SLC5A4: variants seen among roughly 807,000 people sequenced by gnomAD.
The protein encoded by SLC5A4 is solute carrier family 5 member 4, also known as probable glucose sensor protein SLC5A4.
Under a neutral mutation model 70.3 loss-of-function variants are expected in SLC5A4, and 55 were observed. The ratio of observed to expected loss-of-function variants is 0.78; its 90% CI spans 0.63 to 0.98. The LOEUF is 0.98. Among genes scored for constraint, SLC5A4 ranks in the 50% least tolerant of loss-of-function variants. The probability of loss-of-function intolerance (pLI) is 0.00; values close to 1 mark genes in which losing one functional copy is unlikely to be tolerated. For synonymous variants in SLC5A4, 268 were observed against 305.7 expected (o/e 0.88, Z 1.29); for missense variants, 735 against 839.2 (o/e 0.88, Z 1.53).
At chr22:32,336,231 C>G in the SLC5A4 span, among the ~76,000 whole-genome samples, 4 of 152,170 alleles carry the variant, frequency 2.6e-5, no homozygotes, top group Admixed American at 1.3e-4. Context: ...CCACATTACT[C>G]TTGCTGCAGC....
the SLC5A4 span, among the ~76,000 whole-genome samples, chr22:32,337,306 G>A: frequency 2.0e-5 from 3 of 152,210 alleles, no homozygotes; most frequent in Non-Finnish European, 1.5e-5. Flanking sequence ...GCCAAGGCAG[G>A]CGGATTGCCT....
At chr22:32,259,962 C>A (rs1927677081), upstream of SLC5A4, among the ~76,000 whole-genome samples, 2 of 152,198 alleles carry the variant, frequency 1.3e-5, no homozygotes, top group Admixed American at 1.3e-4. Context: ...CAGGGGAACA[C>A]AGGGCGATGC....
the SLC5A4 span, among the ~76,000 whole-genome samples, chr22:32,345,734 C>T: frequency 6.6e-6 from 1 of 152,130 alleles, no homozygotes; most frequent in South Asian, 2.1e-4. Context: ...AAAGGTCCCC[C>T]CAACTAGTAA....
chr22:32,249,795 C>T lies in SLC5A4; in HGVS notation c.313-993G>A, dbSNP rs553203287. ...AAAGCTGTTGGTGGCACATCCATCACATGTCCAGCCTTGTGCTAGAGCAAA... is the reference window on the plus strand; with the variant it reads ...AAAGCTGTTGGTGGCACATCCATCATATGTCCAGCCTTGTGCTAGAGCAAA... On this transcript the variant is annotated intron_variant, in intron 3 of 14. Coordinates refer to ENST00000266086, the MANE Select transcript of SLC5A4 (RefSeq NM_014227.3). 2.6e-5 allele frequency among the ~76,000 whole-genome samples: 4 copies of T among 152,356 alleles called. No individual in the cohort carries two copies. The East Asian group carries it at 7.7e-4, about 29-fold the overall frequency.
chr22:32,273,141 G>A, the SLC5A4 span: 49 of 434,612 alleles, frequency 1.1e-4, 1 homozygote, highest in African/African-American at 4.6e-4. Flanking sequence ...CCACCACACC[G>A]CACTACCTCC....
the SLC5A4 span, among the ~76,000 whole-genome samples, chr22:32,312,045 C>G: frequency 6.6e-6 from 1 of 152,114 alleles, no homozygotes; most frequent in Non-Finnish European, 1.5e-5. Context: ...CTGCCTCCCA[C>G]GTGGTGAGAG....
the SLC5A4 span, among the ~76,000 whole-genome samples, chr22:32,311,622 AC>A: frequency 1.3e-5 from 2 of 152,054 alleles, no homozygotes; most frequent in Non-Finnish European, 2.9e-5. Context: ...TAGCCTCGTT[AC>A]CCTGCCCAGC....
the SLC5A4 span, among the ~76,000 whole-genome samples, chr22:32,310,790 A>AGAGGATGAAGAGCCAGGGAGAATG: frequency 1.3e-5 from 2 of 152,176 alleles, no homozygotes; most frequent in African/African-American, 4.8e-5. Context: ...GGGGCTGTTG[A>AGAGGATGAAGAGCCAGGGAGAATG]GAGGATGAAG....
At chr22:32,292,149 A>G in the SLC5A4 span, among the ~76,000 whole-genome samples, 12 of 53,288 alleles carry the variant, frequency 2.3e-4, 1 homozygote, top group Admixed American at 1.3e-3. Flanking sequence ...ATTATATTCT[A>G]TATATTATAT....
chr22:32,270,235 A>G, the SLC5A4 span: 24 of 694,074 alleles, frequency 3.5e-5, no homozygotes, highest in Admixed American at 3.7e-4. Context: ...ACCCTGCACC[A>G]ATGCTGCCAT....
At chr22:32,297,402 A>C in the SLC5A4 span, among the ~76,000 whole-genome samples, 1 of 151,356 alleles carries the variant, frequency 6.6e-6, no homozygotes, top group Non-Finnish European at 1.5e-5. Context: ...GTGTCCAGGA[A>C]TTTATCCATT....
the SLC5A4 span, among the ~76,000 whole-genome samples, chr22:32,275,678 A>C: frequency 1.3e-5 from 2 of 152,320 alleles, no homozygotes; most frequent in African/African-American, 2.4e-5. Flanking sequence ...CAATAAACAT[A>C]CATGTGCATG....
the SLC5A4 span, among the ~76,000 whole-genome samples, chr22:32,332,157 G>A: frequency 6.6e-6 from 1 of 152,038 alleles, no homozygotes; most frequent in Non-Finnish European, 1.5e-5. Context: ...CCTCTCCGGT[G>A]GACTCCCAGC....
intron 13 of SLC5A4, 24 bp downstream of exon 13, chr22:32,224,243 A>G (rs770350082): frequency 1.9e-6 from 3 of 1,542,184 alleles, no homozygotes; most frequent in South Asian, 2.2e-5. Context: ...TAAAATTAGC[A>G]TGTATTCATT....
the SLC5A4 span, among the ~76,000 whole-genome samples, chr22:32,276,162 T>C: frequency 6.6e-6 from 1 of 152,254 alleles, no homozygotes; most frequent in Non-Finnish European, 1.5e-5. Context: ...TCAAAAGCCA[T>C]ACATTATGAC....
chr22:32,281,391 T>C, the SLC5A4 span, among the ~76,000 whole-genome samples: 4 of 152,210 alleles, frequency 2.6e-5, no homozygotes, highest in African/African-American at 9.6e-5. Flanking sequence ...AGCCAAAGCA[T>C]GTGCCACTGA....
chr22:32,311,350 G>A, the SLC5A4 span, among the ~76,000 whole-genome samples: 1 of 147,536 alleles, frequency 6.8e-6, no homozygotes, highest in Admixed American at 6.6e-5. Flanking sequence ...GGACACACAT[G>A]TTTATTAAGC....
rs1927401263 is a variant in SLC5A4 at position 32,255,110 on chromosome 22, T to C, written c.135+85A>G. ...AACACAATGACATTTGTGAAAAGCT[T>C]TGTCACAACCACACCCCTTCCCCCC... On this transcript the variant is annotated intron_variant, in intron 1 of 14. Transcript: ENST00000266086. The C allele has an allele frequency of 1.6e-5, 20 of 1,272,280 alleles. No individual in the cohort carries two copies. In the South Asian group the frequency reaches 2.5e-4, roughly 16 times the overall value. The allele number at this position is 1,272,280 out of a possible 1,614,324, so 78.8% of individuals were successfully genotyped here. A position where few individuals can be genotyped will look rare whatever the true frequency, so the allele number is the denominator to read the frequency against.
At chr22:32,276,776 T>C in the SLC5A4 span, 1 of 152,202 alleles carries the variant, frequency 6.6e-6, no homozygotes, top group African/African-American at 2.4e-5. Flanking sequence ...AACTTACTGA[T>C]TGAAATGACT....
Sources: allele counts gnomAD v4.1 joint callset (sites outside exome capture counted in the v4.1 genomes callset), GRCh38; gene constraint gnomAD v4.1.1; transcripts MANE v1.5; gene names NCBI Gene and HGNC (gene_info 2026-07-23, HGNC 2026-07-21).